ZPBP: variants seen among roughly 807,000 people sequenced by gnomAD.
ZPBP encodes zona pellucida-binding protein 1.
In ZPBP, 26 loss-of-function variants were observed where a neutral mutation model predicts 44.8. The ratio of observed to expected loss-of-function variants is 0.58; its 90% CI spans 0.43 to 0.81. The LOEUF (loss-of-function observed/expected upper bound fraction) is 0.81. Ranked by LOEUF, ZPBP falls within the 30% of genes least tolerant of loss-of-function variation. The pLI, the probability that ZPBP is intolerant of heterozygous loss-of-function variation, is 0.00. For missense variants in ZPBP, 409 were observed against 434.0 expected, an observed-to-expected ratio of 0.94 and a Z score of 0.51; for synonymous variants, 174 against 153.2, an observed-to-expected ratio of 1.14 and a Z score of -1.00.
At chr7:49,974,515 T>A (rs1282118190) in intron 7 of ZPBP, among the ~76,000 whole-genome samples, 1 of 152,002 alleles carries the variant, frequency 6.6e-6, no homozygotes, top group Non-Finnish European at 1.5e-5. Flanking sequence ...ATAATAATGA[T>A]GGCAATGAAA....
chr7:49,865,351 A>G (rs1243693553), intron 2 of ZPBP, among the ~76,000 whole-genome samples: 1 of 152,238 alleles, frequency 6.6e-6, no homozygotes, highest in Non-Finnish European at 1.5e-5. Context: ...TGAAGTGTGT[A>G]ACCCTCAGTT....
intron 4 of ZPBP, among the ~76,000 whole-genome samples, chr7:50,056,621 C>G (rs1374460389): frequency 6.6e-6 from 1 of 152,214 alleles, no homozygotes; most frequent in African/African-American, 2.4e-5. Context: ...TGAGATGGAA[C>G]CTACTAGCAA....
At chr7:49,964,080 C>A (rs1381240360) in intron 7 of ZPBP, among the ~76,000 whole-genome samples, 4 of 151,772 alleles carry the variant, frequency 2.6e-5, no homozygotes, top group Non-Finnish European at 4.4e-5. Context: ...AAGCATTTAA[C>A]AAAATCCAAC....
chr7:49,972,520 G>A (rs1796340589), intron 7 of ZPBP, among the ~76,000 whole-genome samples: 1 of 152,000 alleles, frequency 6.6e-6, no homozygotes, highest in African/African-American at 2.4e-5. Flanking sequence ...AGGAATAAAT[G>A]TATGCAAGGA....
chr7:49,904,307 A>T (rs1464659275), intron 1 of ZPBP, among the ~76,000 whole-genome samples: 1 of 152,206 alleles, frequency 6.6e-6, no homozygotes, highest in Non-Finnish European at 1.5e-5. Flanking sequence ...TCACTCCTGT[A>T]TTATTCTATA....
intron 2 of ZPBP, among the ~76,000 whole-genome samples, chr7:49,889,579 G>A (rs749709807): frequency 1.8e-4 from 27 of 152,250 alleles, no homozygotes; most frequent in East Asian, 7.7e-4. Flanking sequence ...AAAGAGGAGC[G>A]GCTACAGGGT....
intron 7 of ZPBP, among the ~76,000 whole-genome samples, chr7:49,976,996 G>T (rs1796548432): frequency 6.6e-6 from 1 of 151,928 alleles, no homozygotes; most frequent in Non-Finnish European, 1.5e-5. Context: ...CAGCTGCTCG[G>T]GCGCCTGAGG....
chr7:50,035,580 G>T (rs899223490), intron 4 of ZPBP, among the ~76,000 whole-genome samples: 10 of 152,138 alleles, frequency 6.6e-5, no homozygotes, highest in African/African-American at 2.2e-4. Flanking sequence ...AAATTGACAA[G>T]TGCACAAAAA....
chr7:49,979,851 T>A (rs374520212), intron 7 of ZPBP, among the ~76,000 whole-genome samples: 6 of 40,478 alleles, frequency 1.5e-4, no homozygotes, highest in African/African-American at 4.2e-4. Flanking sequence ...ATATATAAAA[T>A]ATATATAATA....
chr7:49,936,973 T>G (rs1794640249), downstream of ZPBP, among the ~76,000 whole-genome samples: 1 of 152,132 alleles, frequency 6.6e-6, no homozygotes, highest in Non-Finnish European at 1.5e-5. Flanking sequence ...GACTTAAAAC[T>G]GAAAAGTTTA....
At chr7:49,987,728 TTGTGTG>T (rs55971066) in intron 6 of ZPBP, among the ~76,000 whole-genome samples, 8,472 of 145,536 alleles carry the variant, frequency 0.058, 365 homozygotes, top group African/African-American at 0.12. Context: ...TATATATGTG[TTGTGTG>T]TGTGTGTGTG....
intron 6 of ZPBP, among the ~76,000 whole-genome samples, chr7:50,013,732 T>C (rs1234008044): frequency 4.6e-5 from 7 of 152,080 alleles, no homozygotes; most frequent in Non-Finnish European, 8.8e-5. Flanking sequence ...AAAGACTCAA[T>C]AGATTACTTT....
chr7:49,875,369 C>CAAAAAAAAA (rs71018432), intron 2 of ZPBP, among the ~76,000 whole-genome samples: 646 of 19,030 alleles, frequency 0.034, 192 homozygotes, highest in East Asian at 0.14. Context: ...GATTCTGACT[C>CAAAAAAAAA]AAAAAAAAAA....
chr7:49,990,586 A>G (rs1346625234), intron 6 of ZPBP, among the ~76,000 whole-genome samples: 1 of 150,442 alleles, frequency 6.6e-6, no homozygotes, highest in Non-Finnish European at 1.5e-5. Flanking sequence ...CGTCCCCTGA[A>G]AAGAAAAGCT....
chr7:49,937,494 T>C lies in ZPBP; in HGVS notation c.*34A>G. 6.8e-7 allele frequency: 1 copy of C among 1,480,372 alleles called. No homozygotes were observed. The highest frequency in any genetic ancestry group is 9.4e-7 in the Non-Finnish European group (1 of 1,058,548). The allele number at this position is 1,480,372 out of a possible 1,614,324, so 91.7% of individuals were successfully genotyped here. ...TAATATTTCAAATATATACTTTGCATTTAATAAACCACTGAATAACTGAAG... is the reference window on the plus strand; with the variant it reads ...TAATATTTCAAATATATACTTTGCACTTAATAAACCACTGAATAACTGAAG... On this transcript the variant is annotated 3_prime_UTR_variant, in exon 8 of 8. Transcript: ENST00000046087.
At chr7:49,975,367 T>G (rs1015155494) in intron 7 of ZPBP, among the ~76,000 whole-genome samples, 7 of 152,064 alleles carry the variant, frequency 4.6e-5, no homozygotes, top group Admixed American at 3.9e-4. Context: ...TTCCTTCTCA[T>G]AGTTTCCTGA....
intron 6 of ZPBP, among the ~76,000 whole-genome samples, chr7:49,992,046 G>A (rs1324190276): frequency 6.6e-6 from 1 of 152,060 alleles, no homozygotes; most frequent in Non-Finnish European, 1.5e-5. Flanking sequence ...ATTCACAGTG[G>A]ACAAAGAAAA....
chr7:50,040,984 G>T (rs1800064790), intron 4 of ZPBP, among the ~76,000 whole-genome samples: 1 of 152,178 alleles, frequency 6.6e-6, no homozygotes, highest in Admixed American at 6.5e-5. Flanking sequence ...AGGGGCATCT[G>T]CCATTACTGA....
At chr7:50,036,764 C>A in intron 4 of ZPBP, among the ~76,000 whole-genome samples, 1 of 151,190 alleles carries the variant, frequency 6.6e-6, no homozygotes, top group Admixed American at 6.6e-5. Flanking sequence ...CTAGGTTTAC[C>A]CAAAAAATAG....
Sources: gnomAD v4.1 joint callset for allele counts (sites outside exome capture counted in the v4.1 genomes callset) on GRCh38, gnomAD v4.1.1 for gene constraint, MANE v1.5 for transcripts, NCBI Gene and HGNC (gene_info 2026-07-23, HGNC 2026-07-21) for gene names.